Variants in MALL observed in about 807,000 individuals in gnomAD.
The protein encoded by MALL is mal, T cell differentiation protein like.
Under a neutral mutation model 10.3 loss-of-function variants are expected in MALL, and 2 were observed. The observed-to-expected ratio is 0.19, with a 90% CI of 0.08 to 0.61. MALL has a LOEUF of 0.61. Among genes scored for constraint, MALL ranks in the 20% least tolerant of loss-of-function variants. The pLI, the probability that MALL is intolerant of heterozygous loss-of-function variation, is 0.88. For synonymous variants in MALL, 27 were observed against 51.8 expected, an observed-to-expected ratio of 0.52 and a Z score of 2.05; for missense variants, 39 against 115.2, an observed-to-expected ratio of 0.34 and a Z score of 3.03.
intron 1 of MALL, among the ~76,000 whole-genome samples, chr2:110,104,649 G>T (rs151049406): frequency 6.6e-6 from 1 of 152,304 alleles, no homozygotes; most frequent in African/African-American, 2.4e-5. Flanking sequence ...CTCCAAGAAT[G>T]TCAAGCTCCT....
At chr2:110,099,785 C>T (rs1678522689) in intron 1 of MALL, among the ~76,000 whole-genome samples, 2 of 152,120 alleles carry the variant, frequency 1.3e-5, no homozygotes, top group African/African-American at 4.8e-5. Context: ...CTGGCCATTA[C>T]TGTGCAGTGG....
At chr2:110,106,020 T>C (rs1033716783) in intron 1 of MALL, among the ~76,000 whole-genome samples, 2 of 152,188 alleles carry the variant, frequency 1.3e-5, no homozygotes, top group African/African-American at 4.8e-5. Flanking sequence ...GATTTATCTC[T>C]GACTAATGTG....
intron 2 of MALL, among the ~76,000 whole-genome samples, chr2:110,090,599 AAT>A (rs1678349105): frequency 2.5e-5 from 1 of 40,660 alleles, no homozygotes; most frequent in African/African-American, 4.2e-5. Context: ...AAAGAAAAAA[AAT>A]ATGCTGAGGT....
chr2:110,098,833 T>C (rs952558756), intron 1 of MALL, among the ~76,000 whole-genome samples: 3 of 151,938 alleles, frequency 2.0e-5, no homozygotes, highest in African/African-American at 7.3e-5. Flanking sequence ...CAAAACCCTG[T>C]CTCTAAAAAA....
intron 1 of MALL, among the ~76,000 whole-genome samples, chr2:110,113,453 A>AT (rs1477621266): frequency 6.6e-6 from 1 of 150,424 alleles, no homozygotes; most frequent in East Asian, 1.9e-4. Context: ...AAAAAAAAAA[A>AT]AAAAAAAGAC....
intron 1 of MALL, among the ~76,000 whole-genome samples, chr2:110,097,097 A>AAAC (rs201653598): frequency 0.039 from 5,844 of 150,430 alleles, 194 homozygotes; most frequent in Non-Finnish European, 0.055. Flanking sequence ...AAACAAAACA[A>AAAC]AAAAAAAAAA....
chr2:110,098,654 T>C (rs1306990560), intron 1 of MALL, among the ~76,000 whole-genome samples: 6 of 152,188 alleles, frequency 3.9e-5, no homozygotes, highest in Admixed American at 1.3e-4. Flanking sequence ...TTGGCTATTG[T>C]GAATAATGCT....
intron 1 of MALL, among the ~76,000 whole-genome samples, chr2:110,104,939 G>A (rs568260405): frequency 2.6e-5 from 4 of 152,258 alleles, no homozygotes; most frequent in Admixed American, 6.5e-5. Flanking sequence ...CTTACAATGC[G>A]CTTTCTAGTA....
chr2:110,103,531 G>T (rs181274834), intron 1 of MALL, among the ~76,000 whole-genome samples: 1 of 152,146 alleles, frequency 6.6e-6, no homozygotes, highest in Non-Finnish European at 1.5e-5. Flanking sequence ...GATCTGCCCC[G>T]CCCAGGGGAA....
intron 1 of MALL, among the ~76,000 whole-genome samples, chr2:110,105,342 G>A (rs1484226433): frequency 1.3e-5 from 2 of 152,214 alleles, no homozygotes; most frequent in African/African-American, 4.8e-5. Context: ...CTCCTGGGAG[G>A]TCTTGCTCTT....
At chr2:110,112,490 A>G (rs1199445580) in intron 1 of MALL, among the ~76,000 whole-genome samples, 1 of 152,168 alleles carries the variant, frequency 6.6e-6, no homozygotes, top group Non-Finnish European at 1.5e-5. Context: ...AATGCTCAAC[A>G]TCACTAATGA....
At chr2:110,098,475 T>C (rs560060464) in intron 1 of MALL, among the ~76,000 whole-genome samples, 6 of 152,142 alleles carry the variant, frequency 3.9e-5, no homozygotes, top group Non-Finnish European at 7.3e-5. Flanking sequence ...TATTTGTCCT[T>C]TTGTGACTGC....
At chr2:110,112,888 A>G (rs1559033874) in intron 1 of MALL, among the ~76,000 whole-genome samples, 2 of 149,244 alleles carry the variant, frequency 1.3e-5, no homozygotes, top group Admixed American at 6.7e-5. Flanking sequence ...ATATATATGT[A>G]TATATATAAA....
At chr2:110,102,386 C>T (rs1678590435) in intron 1 of MALL, among the ~76,000 whole-genome samples, 1 of 152,140 alleles carries the variant, frequency 6.6e-6, no homozygotes, top group African/African-American at 2.4e-5. Context: ...TTTCTCTTCC[C>T]TGCCTCCTGT....
intron 1 of MALL, chr2:110,097,654 G>C (rs1678475652): frequency 2.4e-6 from 1 of 423,090 alleles, no homozygotes; most frequent in African/African-American, 2.0e-5. Context: ...TCAGGTCTGT[G>C]TGGCCAGGGC....
At chr2:110,109,850 A>G (rs1043992405) in intron 1 of MALL, among the ~76,000 whole-genome samples, 1 of 152,172 alleles carries the variant, frequency 6.6e-6, no homozygotes, top group African/African-American at 2.4e-5. Flanking sequence ...AATTTAAGAA[A>G]ATTGAAATTA....
At chr2:110,102,366 TTG>T (rs10578481) in intron 1 of MALL, among the ~76,000 whole-genome samples, 116,681 of 151,942 alleles carry the variant, frequency 0.77, 49,299 homozygotes, top group Non-Finnish European at 0.93. Flanking sequence ...TCCACTGTCA[TTG>T]TCTCTCTTTT....
At chr2:110,107,263 G>T (rs1021421879) in intron 1 of MALL, among the ~76,000 whole-genome samples, 1 of 152,094 alleles carries the variant, frequency 6.6e-6, no homozygotes, top group African/African-American at 2.4e-5. Context: ...TGCAGCCACC[G>T]GGGGAAGCTG....
At chr2:110,107,426 C>G (rs555311678) in intron 1 of MALL, among the ~76,000 whole-genome samples, 4 of 152,210 alleles carry the variant, frequency 2.6e-5, no homozygotes, top group South Asian at 2.1e-4. Flanking sequence ...AGCTTTCCCC[C>G]ACTTCCCTGA....
Sources: allele counts gnomAD v4.1 joint callset (sites outside exome capture counted in the v4.1 genomes callset), GRCh38; gene constraint gnomAD v4.1.1; transcripts MANE v1.5; gene names NCBI Gene and HGNC (gene_info 2026-07-23, HGNC 2026-07-21).